The following NR1I3 variants were observed in gnomAD, a reference collection of about 807,000 sequenced individuals.
NR1I3 encodes constitutive activator of retinoid response.
In NR1I3, 30 loss-of-function variants were observed where a neutral mutation model predicts 38.4. The observed-to-expected ratio is 0.78, with a 90% CI of 0.58 to 1.06. NR1I3 has a LOEUF of 1.06. NR1I3 is among the 50% of genes least tolerant of loss of function. The probability of loss-of-function intolerance (pLI) is 0.00; values close to 1 mark genes in which losing one functional copy is unlikely to be tolerated. For missense variants in NR1I3, 388 were observed against 435.7 expected, an observed-to-expected ratio of 0.89 and a Z score of 0.97; for synonymous variants, 143 against 165.1, an observed-to-expected ratio of 0.87 and a Z score of 1.03.
In NR1I3 at chr1:161,236,911, A is replaced by AT. The variant is rs142799258; in HGVS notation, c.-33-314dup. 5.3e-4 allele frequency among the ~76,000 whole-genome samples: 77 copies of AT among 144,394 alleles called. 1 individual carries two copies. The highest frequency in any genetic ancestry group is 3.5e-3 in the Middle Eastern group (1 of 286). The allele number at this position is 144,394 out of a possible 152,430, so 94.7% of individuals were successfully genotyped here. ...CCAGCTAATTTTTGTTTATTTATTT[A>AT]TTTATTTTTTTTGTAGAGATGGGGT... On this transcript the variant is annotated intron_variant, in intron 1 of 8. Transcript: ENST00000367983.
In NR1I3 at chr1:161,231,451, A is replaced by G. The variant is rs1281396356; in HGVS notation, c.572T>C (p.Ile191Thr). Residue 191 changes from isoleucine (I) to threonine (T), a missense_variant, in exon 6 of 9, where the codon ATC becomes ACC. Transcript: ENST00000367983. ...CACAGCTGCTCCCTTGAGAAGGGAGATCTGGTCTTCAATGGGCAGGGAACT... is the reference window on the plus strand; with the variant it reads ...CACAGCTGCTCCCTTGAGAAGGGAGGTCTGGTCTTCAATGGGCAGGGAACT... ...VFRSLPIEDQ[I>T]SLLKGAAVEI... 1.3e-6 allele frequency: 2 copies of G among 1,576,692 alleles called. No homozygotes were observed. Among genetic ancestry groups the G allele is most frequent in the South Asian group, 1.2e-5 (1 of 84,096 alleles).
rs777436441 is a variant in NR1I3 at position 161,229,784 on chromosome 1, A to C, written c.*13T>G. 2 of 1,614,220 alleles carry C rather than the reference A, an allele frequency of 1.2e-6. No individual in the cohort carries two copies. The highest frequency in any genetic ancestry group is 1.7e-6 in the Non-Finnish European group (2 of 1,180,034). ...GTGTTCCAGGTGAGCTGGGGAAGGA[A>C]GTGAGCATGGCCTCAGCTGCAGATC... On this transcript the variant is annotated 3_prime_UTR_variant, in exon 9 of 9. Transcript: ENST00000367983.
At chr1:161,235,717 G>C in intron 3 of NR1I3, 130 bp downstream of exon 3, 1 of 1,163,070 alleles carries the variant, frequency 8.6e-7, no homozygotes, top group Non-Finnish European at 1.2e-6. Context: ...GATGTCTTGA[G>C]TGAATAGTGA....
chr1:161,236,744 T>TTTTTCC (rs967771841), intron 1 of NR1I3, 146 bp from the exon 2 acceptor site: 4 of 822,614 alleles, frequency 4.9e-6, no homozygotes, highest in Non-Finnish European at 3.6e-6. Context: ...TTTCTTTTTC[T>TTTTTCC]TTTTCTTTTT....
intron 8 of NR1I3, 148 bp downstream of exon 8, chr1:161,230,665 C>T (rs1291305799): frequency 2.6e-5 from 25 of 968,738 alleles, no homozygotes; most frequent in Non-Finnish European, 3.8e-5. Flanking sequence ...CGATGTGAGA[C>T]AGGGATGGCC....
rs548963536 is a variant in NR1I3 at position 161,235,857 on chromosome 1, C to T, written c.228G>A (p.Met76Ile). The T allele has an allele frequency of 1.9e-6, 3 of 1,614,166 alleles. No individual in the cohort carries two copies. In the East Asian group the frequency reaches 6.7e-5, roughly 36 times the overall value. Reference sequence around the variant, plus strand: ...AGGGGGCCAACTCACTGTCTTTCCTCATGCCAGCATCTAAGCACTTCTGCA... The same window carrying T: ...AGGGGGCCAACTCACTGTCTTTCCTTATGCCAGCATCTAAGCACTTCTGCA... ...CRLQKCLDAGMRKDMILSAEA... is the reference protein window; with the variant it reads ...CRLQKCLDAGIRKDMILSAEA... Residue 76 changes from methionine to isoleucine, a missense_variant, in exon 3 of 9, where the codon ATG becomes ATA. Met to Ile is a conservative substitution (Grantham distance 10). Coordinates refer to ENST00000367983, the MANE Select transcript of NR1I3 (RefSeq NM_005122.5).
At chr1:161,233,881 GTGTGTGTA>G (rs1249823222) in intron 3 of NR1I3, among the ~76,000 whole-genome samples, 3,092 of 123,848 alleles carry the variant, frequency 0.025, 52 homozygotes, top group African/African-American at 0.033. Flanking sequence ...GTGTGTGTGT[GTGTGTGTA>G]TATGTGTGTG....
chr1:161,233,091 A>C, intron 4 of NR1I3, 78 bp downstream of exon 4: 4 of 1,584,896 alleles, frequency 2.5e-6, no homozygotes, highest in Non-Finnish European at 3.4e-6. Context: ...AGTGCATGGC[A>C]TACACCCCTC....
At chr1:161,237,741 C>G (rs574972204) in intron 1 of NR1I3, among the ~76,000 whole-genome samples, 1 of 151,966 alleles carries the variant, frequency 6.6e-6, no homozygotes, top group Non-Finnish European at 1.5e-5. Flanking sequence ...AAAAACAAAA[C>G]AAAAAACAAA....
chr1:161,236,483 C>A lies in NR1I3; in HGVS notation c.83G>T (p.Cys28Phe). The A allele has an allele frequency of 6.2e-7, 1 of 1,614,164 alleles. No individual in the cohort carries two copies. Among genetic ancestry groups the A allele is most frequent in the Non-Finnish European group, 8.5e-7 (1 of 1,180,038 alleles). The part of the protein sequence containing the change: ...ATGYHFNALT[C>F]EGCKGFFRRT... ...CCTGAAGAAACCCTTGCAGCCCTCACAAGTCAGCGCATTAAAGTGGTAGCC... is the reference window on the plus strand; with the variant it reads ...CCTGAAGAAACCCTTGCAGCCCTCAAAAGTCAGCGCATTAAAGTGGTAGCC... The change falls in exon 2 of 9, where the codon TGT (cysteine) becomes TTT (phenylalanine). Residue 28 changes from cysteine to phenylalanine, a missense_variant. Coordinates refer to ENST00000367983, the MANE Select transcript of NR1I3 (RefSeq NM_005122.5).
Position 161,230,833 on chromosome 1 carries a change from C to G in NR1I3, c.897G>C (p.Gln299His). ...ALTLQSYIKG[Q>H]QRRPRDRFLY... ...CGTACCGATCCCGGGGCCTTCGCTG[C>G]TGGCCCTTGATGTAGCTTTGCAGAG... is the stretch of plus-strand genomic sequence containing the variant. Residue 299 changes from glutamine (Q) to histidine (H), a missense_variant, in exon 8 of 9, where the codon CAG becomes CAC. Gln to His is a conservative substitution (Grantham distance 24). Coordinates refer to ENST00000367983, the MANE Select transcript of NR1I3 (RefSeq NM_005122.5). 1 of 1,614,204 alleles carries G rather than the reference C, an allele frequency of 6.2e-7. No homozygotes were observed. The highest frequency in any genetic ancestry group is 8.5e-7 in the Non-Finnish European group (1 of 1,180,040).
chr1:161,237,904 G>T, intron 1 of NR1I3, 137 bp downstream of exon 1: 1 of 816,786 alleles, frequency 1.2e-6, no homozygotes, highest in Non-Finnish European at 2.1e-6. Context: ...GGTTGGTCTT[G>T]AACTCCTGGG....
At position 161,234,282 on chromosome 1, in the gene NR1I3, C is replaced by T. The variant is rs186665030; in HGVS notation, c.239-944G>A. On this transcript the variant is annotated intron_variant, in intron 3 of 8. Coordinates refer to ENST00000367983, the MANE Select transcript of NR1I3 (RefSeq NM_005122.5). ...CCTCCCAAAGTGCTGGGATTACAGG[C>T]GTGAGCCACTGCACCCAGCCCAATC... Among the ~76,000 whole-genome samples the T allele has an allele frequency of 1.8e-3, 275 of 151,864 alleles. 3 individuals carry two copies. Among genetic ancestry groups the T allele is most frequent in the African/African-American group, 6.5e-3 (270 of 41,416 alleles).
Position 161,236,452 on chromosome 1 carries a change from C to T in NR1I3, c.107+7G>A, listed in dbSNP as rs375560107. 2 of 1,613,902 alleles carry T rather than the reference C, an allele frequency of 1.2e-6. No homozygotes were observed. Among genetic ancestry groups the T allele is most frequent in the African/African-American group, 2.7e-5 (2 of 74,888 alleles). On this transcript the variant is annotated splice_region_variant and intron_variant, in intron 2 of 8. Coordinates refer to ENST00000367983, the MANE Select transcript of NR1I3 (RefSeq NM_005122.5). ...AGGGCTATTTCCATTGGGGAGGAGACTCTCACCTGAAGAAACCCTTGCAGC... is the reference window on the plus strand; with the variant it reads ...AGGGCTATTTCCATTGGGGAGGAGATTCTCACCTGAAGAAACCCTTGCAGC...
chr1:161,233,937 A>G (rs61801109), intron 3 of NR1I3, among the ~76,000 whole-genome samples: 7 of 143,568 alleles, frequency 4.9e-5, no homozygotes, highest in Admixed American at 1.4e-4. Flanking sequence ...ATGTGTATAC[A>G]TGTATATATG....
intron 3 of NR1I3, 158 bp downstream of exon 3, chr1:161,235,689 T>G: frequency 7.6e-6 from 6 of 792,340 alleles, no homozygotes; most frequent in Admixed American, 2.7e-5. Flanking sequence ...TCACGTACTT[T>G]GAGATGGGGA....
intron 5 of NR1I3, among the ~76,000 whole-genome samples, chr1:161,232,550 C>T (rs757194786): frequency 4.0e-5 from 6 of 151,646 alleles, no homozygotes; most frequent in Admixed American, 6.6e-5. Context: ...TGCCAGCCTC[C>T]GCCTCCCAAA....
chr1:161,233,077 T>C (rs1424949265), intron 4 of NR1I3, 92 bp downstream of exon 4: 2 of 1,575,692 alleles, frequency 1.3e-6, no homozygotes, highest in Admixed American at 1.7e-5. Context: ...CTGTTCTCAG[T>C]ATCAGTGCAT....
intron 3 of NR1I3, among the ~76,000 whole-genome samples, chr1:161,234,782 A>G (rs1668230923): frequency 6.6e-6 from 1 of 152,228 alleles, no homozygotes; most frequent in South Asian, 2.1e-4. Context: ...TTGGGAGCAT[A>G]GCACAGTTAC....
Sources: allele counts gnomAD v4.1 joint callset (sites outside exome capture counted in the v4.1 genomes callset), GRCh38; gene constraint gnomAD v4.1.1; transcripts MANE v1.5; gene names NCBI Gene and HGNC (gene_info 2026-07-23, HGNC 2026-07-21).